EPHA5: variants seen among roughly 807,000 people sequenced by gnomAD.
The protein encoded by EPHA5 is EPH receptor A5.
In EPHA5, 60 loss-of-function variants were observed where a neutral mutation model predicts 105.0. The ratio of observed to expected loss-of-function variants is 0.57; its 90% confidence interval spans 0.46 to 0.71. The LOEUF (loss-of-function observed/expected upper bound fraction) is 0.71. EPHA5 is among the 30% of genes least tolerant of loss of function. EPHA5 has a pLI of 0.00. For missense variants in EPHA5, 1,218 were observed against 1,274.7 expected (o/e 0.96, Z 0.68); for synonymous variants, 513 against 449.1 (o/e 1.14, Z -1.80).
intron 5 of EPHA5, among the ~76,000 whole-genome samples, chr4:65,486,828 C>T (rs955731532): frequency 5.3e-5 from 8 of 152,206 alleles, no homozygotes; most frequent in African/African-American, 1.9e-4. Context: ...GCCTGTGTCC[C>T]TTCCCAAATC....
intron 5 of EPHA5, among the ~76,000 whole-genome samples, chr4:65,488,885 A>ATTTT (rs5858962): frequency 0.48 from 57,062 of 117,672 alleles, 16,556 homozygotes; most frequent in East Asian, 0.72. Context: ...AGCTGCATGC[A>ATTTT]TTTTTTTTTT....
At position 65,656,693 on chromosome 4, in the gene EPHA5, A is replaced by G. The variant is rs186947026; in HGVS notation, c.181+12869T>C. On this transcript the variant is annotated intron_variant, in intron 1 of 16. Transcript: ENST00000613740. Reference sequence around the variant, plus strand: ...AAGAGGAGTGATCAGGGCTCACTGAAGCCTCAACCTCCCAGGGCTCAGGTT... The same window carrying G: ...AAGAGGAGTGATCAGGGCTCACTGAGGCCTCAACCTCCCAGGGCTCAGGTT... Among the ~76,000 whole-genome samples, 4 of 150,378 alleles carry G rather than the reference A, an allele frequency of 2.7e-5. No homozygotes were observed. The East Asian group carries it at 7.8e-4, about 29-fold the overall frequency.
intron 2 of EPHA5, among the ~76,000 whole-genome samples, chr4:65,629,483 T>C (rs1323112039): frequency 3.9e-5 from 6 of 152,096 alleles, no homozygotes; most frequent in Admixed American, 1.3e-4. Flanking sequence ...AATATACAAA[T>C]AGTGGGATAA....
intron 3 of EPHA5, among the ~76,000 whole-genome samples, chr4:65,582,132 C>G (rs1287149873): frequency 2.6e-5 from 4 of 151,588 alleles, no homozygotes; most frequent in Non-Finnish European, 4.4e-5. Flanking sequence ...ATAAAAGGAA[C>G]TCCTCAGTGT....
At chr4:65,468,800 T>G (rs1342164598) in intron 5 of EPHA5, among the ~76,000 whole-genome samples, 1 of 150,790 alleles carries the variant, frequency 6.6e-6, no homozygotes, top group Non-Finnish European at 1.5e-5. Context: ...GCTTATGAAC[T>G]AACACAAAAT....
At chr4:65,507,779 T>A (rs866578307) in intron 3 of EPHA5, among the ~76,000 whole-genome samples, 7 of 152,110 alleles carry the variant, frequency 4.6e-5, no homozygotes, top group Non-Finnish European at 8.8e-5. Context: ...GATGATGGGG[T>A]TTTATAGATA....
intron 2 of EPHA5, among the ~76,000 whole-genome samples, chr4:65,640,282 C>CTTTTTTTTTTTTTTTTT (rs869149037): frequency 3.3e-5 from 3 of 92,224 alleles, no homozygotes; most frequent in African/African-American, 4.3e-5. Flanking sequence ...TCAGTTTTTT[C>CTTTTTTTTTTTTTTTTT]TTTTTTTTTT....
chr4:65,638,600 G>A (rs1463143598), intron 2 of EPHA5, among the ~76,000 whole-genome samples: 4 of 152,106 alleles, frequency 2.6e-5, no homozygotes, highest in Non-Finnish European at 4.4e-5. Flanking sequence ...TTAGCCGGGT[G>A]TGGTGGCACA....
chr4:65,615,882 A>T (rs550873293), intron 2 of EPHA5, among the ~76,000 whole-genome samples: 1 of 151,944 alleles, frequency 6.6e-6, no homozygotes, highest in Non-Finnish European at 1.5e-5. Flanking sequence ...AGGAAATTTC[A>T]TATTAAATTA....
chr4:65,396,846 T>A (rs757692736), intron 8 of EPHA5, among the ~76,000 whole-genome samples: 3 of 152,112 alleles, frequency 2.0e-5, no homozygotes, highest in South Asian at 4.1e-4. Context: ...AAACAGGCCA[T>A]GGCACCAGAT....
At chr4:65,387,144 G>C (rs1720178923) in intron 8 of EPHA5, among the ~76,000 whole-genome samples, 1 of 151,882 alleles carries the variant, frequency 6.6e-6, no homozygotes, top group Non-Finnish European at 1.5e-5. Flanking sequence ...GTGGGGGCGG[G>C]GGTTGGGCGG....
intron 3 of EPHA5, among the ~76,000 whole-genome samples, chr4:65,550,500 T>G (rs1441220353): frequency 6.6e-6 from 1 of 152,146 alleles, no homozygotes; most frequent in Non-Finnish European, 1.5e-5. Context: ...AGCTTTTATT[T>G]TTCTGCCACT....
intron 3 of EPHA5, among the ~76,000 whole-genome samples, chr4:65,514,541 C>T (rs544997752): frequency 1.3e-4 from 20 of 152,092 alleles, no homozygotes; most frequent in Non-Finnish European, 2.9e-4. Context: ...AGTATTCCAG[C>T]CCCTAGACTT....
intron 5 of EPHA5, among the ~76,000 whole-genome samples, chr4:65,476,568 T>C (rs1179637835): frequency 1.3e-5 from 2 of 152,114 alleles, no homozygotes; most frequent in Non-Finnish European, 2.9e-5. Context: ...CAATAGACAC[T>C]GGAGTCTAAC....
chr4:65,418,683 T>C (rs1723626164), intron 6 of EPHA5, among the ~76,000 whole-genome samples: 1 of 152,006 alleles, frequency 6.6e-6, no homozygotes, highest in South Asian at 2.1e-4. Flanking sequence ...TATACGAACA[T>C]TGTAGAAACA....
rs1731324682 is a variant in EPHA5, at chr4:65,490,725, G to A, written c.1067-13C>T. The A allele has an allele frequency of 6.2e-7, 1 of 1,607,770 alleles. No individual in the cohort carries two copies. The highest frequency in any genetic ancestry group is 8.5e-7 in the Non-Finnish European group (1 of 1,175,526). ...GCAGAGGGGGGTCCTGGTTTACAAAGTAAAGTAAGAAAAACATATTTTAAG... is the reference window on the plus strand; with the variant it reads ...GCAGAGGGGGGTCCTGGTTTACAAAATAAAGTAAGAAAAACATATTTTAAG... On this transcript the variant is annotated splice_polypyrimidine_tract_variant and intron_variant, in intron 4 of 16. Coordinates refer to ENST00000613740, the MANE Select transcript of EPHA5 (RefSeq NM_001281766.3).
At chr4:65,335,902 C>G (rs765742005) in intron 15 of EPHA5, 30 bp downstream of exon 15, 37 of 1,556,312 alleles carry the variant, frequency 2.4e-5, no homozygotes, top group Non-Finnish European at 3.1e-5. Flanking sequence ...TAGCTACATT[C>G]TGGAAAATCA....
chr4:65,351,210 T>C (rs970862402), intron 13 of EPHA5, among the ~76,000 whole-genome samples, 179 bp downstream of exon 13: 8 of 152,102 alleles, frequency 5.3e-5, no homozygotes, highest in African/African-American at 7.2e-5. Context: ...TATTTAAATT[T>C]GCTGATACAT....
At chr4:65,639,681 C>T (rs1198958150) in intron 2 of EPHA5, among the ~76,000 whole-genome samples, 2 of 152,134 alleles carry the variant, frequency 1.3e-5, no homozygotes, top group Non-Finnish European at 2.9e-5. Flanking sequence ...TTTGTTCTGA[C>T]CCATTTGGCC....
Sources: gnomAD v4.1 joint callset for allele counts (sites outside exome capture counted in the v4.1 genomes callset) on GRCh38, gnomAD v4.1.1 for gene constraint, MANE v1.5 for transcripts, NCBI Gene and HGNC (gene_info 2026-07-23, HGNC 2026-07-21) for gene names.